The following PCSK5 variants were observed in gnomAD, a reference collection of about 807,000 sequenced individuals.
PCSK5 encodes the protein proprotein convertase subtilisin/kexin type 5.
PCSK5 carries 129 observed loss-of-function variants against 233.2 expected under a neutral mutation model. That is an observed-to-expected ratio of 0.55 (90% CI 0.48 to 0.64). The LOEUF is 0.64. Ranked by LOEUF, PCSK5 falls within the 30% of genes least tolerant of loss-of-function variation. The pLI is 0.00. For missense variants in PCSK5, 2,076 were observed against 2,430.1 expected (o/e 0.85, Z 3.06); for synonymous variants, 825 against 879.2 (o/e 0.94, Z 1.09).
At chr9:76,199,213 G>A (rs1242982256) in intron 20 of PCSK5, among the ~76,000 whole-genome samples, 1 of 152,108 alleles carries the variant, frequency 6.6e-6, no homozygotes, top group East Asian at 1.9e-4. Context: ...ACCCACCTAA[G>A]CTGTATGGGA....
At chr9:76,166,081 T>A (rs1331385) in intron 12 of PCSK5, among the ~76,000 whole-genome samples, 2,298 of 152,298 alleles carry the variant, frequency 0.015, 57 homozygotes, top group African/African-American at 0.051. Context: ...CAACAATGTG[T>A]ACTTATAAAG....
intron 3 of PCSK5, among the ~76,000 whole-genome samples, chr9:75,994,746 A>C (rs1382811982): frequency 6.6e-6 from 1 of 151,798 alleles, no homozygotes; most frequent in East Asian, 1.9e-4. Context: ...TTACTTCTGC[A>C]CTCTTCCAGT....
chr9:75,920,827 TA>T (rs925390996), intron 1 of PCSK5, among the ~76,000 whole-genome samples: 1 of 151,664 alleles, frequency 6.6e-6, no homozygotes, highest in African/African-American at 2.4e-5. Context: ...AAAAATAAAA[TA>T]AAAAAACAAA....
intron 1 of PCSK5, among the ~76,000 whole-genome samples, chr9:75,907,152 C>A (rs1345695934): frequency 6.6e-6 from 1 of 151,910 alleles, no homozygotes; most frequent in African/African-American, 2.4e-5. Context: ...AATAGCTTGC[C>A]CAGAATTCTC....
chr9:76,337,322 T>TTTTG (rs955431941), intron 34 of PCSK5, among the ~76,000 whole-genome samples: 9 of 151,014 alleles, frequency 6.0e-5, no homozygotes, highest in African/African-American at 1.7e-4. Flanking sequence ...ATCTGGCTAC[T>TTTTG]TTTGTTTGTT....
chr9:76,264,650 A>T (rs1827280007), intron 24 of PCSK5, among the ~76,000 whole-genome samples: 1 of 152,210 alleles, frequency 6.6e-6, no homozygotes, highest in Non-Finnish European at 1.5e-5. Flanking sequence ...GACAACAAAC[A>T]TGAAACAATT....
intron 32 of PCSK5, among the ~76,000 whole-genome samples, chr9:76,325,644 C>CTTTCTTTTTTTTTTTTTTTTTTTTTT (rs1230191426): frequency 4.0e-5 from 6 of 150,368 alleles, no homozygotes; most frequent in South Asian, 2.1e-4. Flanking sequence ...ATTGCACTTT[C>CTTTCTTTTTTTTTTTTTTTTTTTTTT]TTTTTTTTGA....
At chr9:76,000,979 T>C (rs1827236998) in intron 3 of PCSK5, among the ~76,000 whole-genome samples, 1 of 152,088 alleles carries the variant, frequency 6.6e-6, no homozygotes, top group Non-Finnish European at 1.5e-5. Flanking sequence ...CTGATTGCTG[T>C]TGGATTAATA....
intron 7 of PCSK5, among the ~76,000 whole-genome samples, chr9:76,075,185 A>G (rs1053098588): frequency 6.6e-6 from 1 of 152,136 alleles, no homozygotes. Context: ...ACGCCACTGC[A>G]TTCCAGCCTG....
chr9:76,289,023 T>A (rs544078654), intron 24 of PCSK5, among the ~76,000 whole-genome samples: 3 of 152,186 alleles, frequency 2.0e-5, no homozygotes, highest in African/African-American at 7.2e-5. Context: ...CATGGGACAG[T>A]GAGTTCGTGA....
intron 28 of PCSK5, among the ~76,000 whole-genome samples, chr9:76,302,526 T>C (rs1417152996): frequency 6.6e-6 from 1 of 152,110 alleles, no homozygotes; most frequent in Non-Finnish European, 1.5e-5. Flanking sequence ...AGAACTTTAA[T>C]AGGCTAAGGA....
chr9:76,040,923 G>A (rs944720876), intron 5 of PCSK5, among the ~76,000 whole-genome samples: 7 of 152,092 alleles, frequency 4.6e-5, no homozygotes, highest in African/African-American at 1.7e-4. Context: ...TAGAAATTTA[G>A]TATTGATCCA....
chr9:76,222,508 C>T (rs1303004506), intron 20 of PCSK5, among the ~76,000 whole-genome samples: 1 of 152,162 alleles, frequency 6.6e-6, no homozygotes, highest in Non-Finnish European at 1.5e-5. Flanking sequence ...CCCTTTCCCC[C>T]TACCCTTAGG....
chr9:75,981,020 G>A (rs1826252151), intron 2 of PCSK5, among the ~76,000 whole-genome samples: 1 of 152,080 alleles, frequency 6.6e-6, no homozygotes, highest in African/African-American at 2.4e-5. Flanking sequence ...TCCCTGAATT[G>A]GTCGAAGCTA....
At chr9:76,223,390 T>C (rs1051138063) in intron 20 of PCSK5, among the ~76,000 whole-genome samples, 2 of 152,352 alleles carry the variant, frequency 1.3e-5, no homozygotes, top group Middle Eastern at 3.4e-3. Context: ...CTATGATACA[T>C]GTTCAGTTAT....
rs745550801 is a variant in PCSK5 at position 76,157,034 on chromosome 9, G to A, written c.1313-11G>A. ...GCTTAGTGAAGCTGACCAGTCTCTC[G>A]CTTTCCACAGTGAGCCATCTTTATG... is the stretch of plus-strand genomic sequence containing the variant. On this transcript the variant is annotated splice_polypyrimidine_tract_variant and intron_variant, in intron 10 of 37. Coordinates refer to ENST00000674117, the MANE Select transcript of PCSK5 (RefSeq NM_001372043.1). 1.3e-5 allele frequency: 20 copies of A among 1,598,704 alleles called. No individual in the cohort carries two copies. Among genetic ancestry groups the A allele is most frequent in the East Asian group, 6.7e-5 (3 of 44,802 alleles).
In PCSK5 at chr9:75,973,505, G is replaced by A. The variant is rs74478708; in HGVS notation, c.298-12627G>A. On this transcript the variant is annotated intron_variant, in intron 2 of 37. Transcript: ENST00000674117. Reference sequence around the variant, plus strand: ...AGTCATTAATTCTGTAAATCACTCCGGAGCACCTACTCTGGGCAAGGCACT... The same window carrying A: ...AGTCATTAATTCTGTAAATCACTCCAGAGCACCTACTCTGGGCAAGGCACT... 4.0e-3 allele frequency among the ~76,000 whole-genome samples: 609 copies of A among 152,218 alleles called. 3 individuals carry two copies. Among genetic ancestry groups the A allele is most frequent in the African/African-American group, 0.013 (551 of 41,530 alleles).
intron 8 of PCSK5, among the ~76,000 whole-genome samples, chr9:76,100,263 A>G (rs1167576485): frequency 2.0e-5 from 3 of 152,364 alleles, no homozygotes; most frequent in East Asian, 3.9e-4. Flanking sequence ...TAAAATTACT[A>G]GTTATTTTAA....
chr9:76,288,458 C>T (rs73652913), intron 24 of PCSK5, among the ~76,000 whole-genome samples: 3,875 of 152,236 alleles, frequency 0.025, 146 homozygotes, highest in African/African-American at 0.085. Context: ...AGTTTCTTCA[C>T]AAGTATCTTT....
Sources: gnomAD v4.1 joint callset for allele counts (sites outside exome capture counted in the v4.1 genomes callset) on GRCh38, gnomAD v4.1.1 for gene constraint, MANE v1.5 for transcripts, NCBI Gene and HGNC (gene_info 2026-07-23, HGNC 2026-07-21) for gene names.